AGGF1: variants seen among roughly 807,000 people sequenced by gnomAD.
AGGF1 encodes the protein angiogenic factor with G patch and FHA domains 1.
In AGGF1, 56 loss-of-function variants were observed where a neutral mutation model predicts 86.5. The ratio of observed to expected loss-of-function variants is 0.65; its 90% CI spans 0.52 to 0.81. The LOEUF (loss-of-function observed/expected upper bound fraction) is 0.81, where lower values mean the gene tolerates loss of function less well. Ranked by LOEUF, AGGF1 falls within the 30% of genes least tolerant of loss-of-function variation. AGGF1 has a pLI of 0.00. For missense variants in AGGF1, 816 were observed against 850.9 expected (o/e 0.96, Z 0.51); for synonymous variants, 313 against 297.1 (o/e 1.05, Z -0.55).
At position 77,036,713 on chromosome 5, in the gene AGGF1, A is replaced by G; in HGVS notation, c.674A>G (p.Tyr225Cys). The G allele has an allele frequency of 6.2e-7, 1 of 1,612,228 alleles. No homozygotes were observed. The highest frequency in any genetic ancestry group is 8.5e-7 in the Non-Finnish European group (1 of 1,179,914). The change falls in exon 4 of 14, where the codon TAT becomes TGT. Residue 225 changes from tyrosine (Y) to cysteine (C), a missense_variant. Coordinates refer to ENST00000312916, the MANE Select transcript of AGGF1 (RefSeq NM_018046.5). ...LYFDHSTGFYYDSENQLYYDP... is the reference protein window; with the variant it reads ...LYFDHSTGFYCDSENQLYYDP... ...TTTGACCACAGCACTGGTTTCTATT[A>G]TGATTCTGTAAGTATCTCAGACCTT...
At chr5:77,038,989 G>T (rs1364252768) in intron 4 of AGGF1, among the ~76,000 whole-genome samples, 1 of 151,988 alleles carries the variant, frequency 6.6e-6, no homozygotes, top group Non-Finnish European at 1.5e-5. Context: ...TTATTTTTTG[G>T]TATGCATGAA....
At position 77,042,902 on chromosome 5, in the gene AGGF1, C is replaced by CG. The variant is rs1359262875; in HGVS notation, c.870+3189dup. The stretch of plus-strand genomic sequence containing the variant: ...CTCCCGGGCGGGGCGGCTGGCCGGG[C>CG]GGGGGGCCGACACCCCCACCTCCCT... On this transcript the variant is annotated intron_variant, in intron 5 of 13. Transcript: ENST00000312916. 2.2e-3 allele frequency among the ~76,000 whole-genome samples: 106 copies of CG among 47,806 alleles called. 5 individuals carry two copies. Among genetic ancestry groups the CG allele is most frequent in the African/African-American group, 6.7e-3 (94 of 13,972 alleles). 31.4% of individuals were successfully genotyped at this position (47,806 alleles called of 152,430 possible).
chr5:77,030,584 G>A lies in AGGF1; in HGVS notation c.-183G>A. Reference sequence around the variant, plus strand: ...GCCATCCTCGGTCCCCTTGCTCGTTGCTCGCAGCCCCGTTCGGCTACAAGT... The same window carrying A: ...GCCATCCTCGGTCCCCTTGCTCGTTACTCGCAGCCCCGTTCGGCTACAAGT... On this transcript the variant is annotated 5_prime_UTR_variant, in exon 1 of 14. Coordinates refer to ENST00000312916, the MANE Select transcript of AGGF1 (RefSeq NM_018046.5). 1 of 755,154 alleles carries A rather than the reference G, an allele frequency of 1.3e-6. No homozygotes were observed. Among genetic ancestry groups the A allele is most frequent in the South Asian group, 1.5e-5 (1 of 67,836 alleles). The allele number at this position is 755,154 out of a possible 1,614,324, so 46.8% of individuals were successfully genotyped here.
chr5:77,043,676 G>A (rs1426480547), intron 5 of AGGF1, among the ~76,000 whole-genome samples: 1 of 142,866 alleles, frequency 7.0e-6, no homozygotes, highest in South Asian at 2.3e-4. Context: ...CGGGCGGGGG[G>A]CTGATCCCCC....
At chr5:77,059,316 T>G (rs1747512041) in intron 11 of AGGF1, among the ~76,000 whole-genome samples, 1 of 152,206 alleles carries the variant, frequency 6.6e-6, no homozygotes, top group Admixed American at 6.5e-5. Context: ...ATATCTAATA[T>G]GACAATTTCT....
chr5:77,045,879 C>A (rs1291426112), intron 5 of AGGF1, among the ~76,000 whole-genome samples: 2 of 152,156 alleles, frequency 1.3e-5, no homozygotes, highest in Non-Finnish European at 2.9e-5. Flanking sequence ...ATGTTGCAGA[C>A]TATGTAAACT....
At chr5:77,037,430 G>C (rs79340931) in intron 4 of AGGF1, among the ~76,000 whole-genome samples, 1 of 152,126 alleles carries the variant, frequency 6.6e-6, no homozygotes, top group Non-Finnish European at 1.5e-5. Context: ...TTAGTAGTAT[G>C]TTTATTATTA....
At position 77,048,276 on chromosome 5, in the gene AGGF1, A is replaced by G; in HGVS notation, c.1313+4A>G. 1 of 1,562,356 alleles carries G rather than the reference A, an allele frequency of 6.4e-7. No homozygotes were observed. The highest frequency in any genetic ancestry group is 8.8e-7 in the Non-Finnish European group (1 of 1,133,454). ...TAAACCCTGCTACAATTGGAAGGTAAAATGGTTAATATTATTATATCATTC... is the reference window on the plus strand; with the variant it reads ...TAAACCCTGCTACAATTGGAAGGTAGAATGGTTAATATTATTATATCATTC... On this transcript the variant is annotated splice_donor_region_variant and intron_variant, in intron 7 of 13. Transcript: ENST00000312916.
chr5:77,032,301 C>G (rs1212084914), intron 1 of AGGF1, among the ~76,000 whole-genome samples: 1 of 147,410 alleles, frequency 6.8e-6, no homozygotes, highest in African/African-American at 2.5e-5. Flanking sequence ...GGCGCGGTGG[C>G]TCACGCCTGT....
chr5:77,051,566 A>G (rs990571380), intron 8 of AGGF1, among the ~76,000 whole-genome samples: 4 of 152,346 alleles, frequency 2.6e-5, no homozygotes, highest in South Asian at 2.1e-4. Flanking sequence ...TTTAGTATAC[A>G]TAGAGCAGCA....
chr5:77,040,325 G>A (rs1382596943), intron 5 of AGGF1, among the ~76,000 whole-genome samples: 3 of 151,224 alleles, frequency 2.0e-5, no homozygotes, highest in Non-Finnish European at 4.4e-5. Flanking sequence ...GGTCAGGCTC[G>A]TCTCGAACTC....
intron 5 of AGGF1, among the ~76,000 whole-genome samples, chr5:77,045,461 ATGTTCATT>A (rs1335907000): frequency 6.8e-6 from 1 of 146,174 alleles, no homozygotes; most frequent in Non-Finnish European, 1.5e-5. Flanking sequence ...TAATTAAAAA[ATGTTCATT>A]TATTATAAGG....
At position 77,039,631 on chromosome 5, in the gene AGGF1, A is replaced by C. The variant is rs758637282; in HGVS notation, c.782A>C (p.Tyr261Ser). The C allele has an allele frequency of 2.5e-6, 4 of 1,613,380 alleles. No homozygotes were observed. The highest frequency in any genetic ancestry group is 3.4e-6 in the Non-Finnish European group (4 of 1,179,574). ...QFHSRVDLQP[Y>S]PTSSTKQSKD... ...CATTCTCGAGTAGATTTGCAACCTT[A>C]TCCGACTTCTAGCACAAAACAAAGT... Residue 261 changes from tyrosine to serine, a missense_variant, in exon 5 of 14, where the codon TAT (tyrosine) becomes TCT (serine). Tyr to Ser is a moderately radical substitution (Grantham distance 144, BLOSUM62 -2). Around this residue, in one of 3 missense-constraint regions of AGGF1, gnomAD observed 565 missense variants for 585.8 expected, o/e 0.96. Coordinates refer to ENST00000312916, the MANE Select transcript of AGGF1 (RefSeq NM_018046.5).
rs1457504598 is a variant in AGGF1 at position 77,055,592 on chromosome 5, T to C, written c.1712T>C (p.Leu571Ser). The C allele has an allele frequency of 6.3e-7, 1 of 1,575,380 alleles. No homozygotes were observed. Among genetic ancestry groups the C allele is most frequent in the African/African-American group, 1.3e-5 (1 of 74,080 alleles). Residue 571 changes from leucine to serine, a missense_variant, in exon 11 of 14, where the codon TTA (leucine) becomes TCA (serine). This residue lies in a region of AGGF1 where 565 missense variants were observed against 585.8 expected (regional missense o/e 0.96). Transcript: ENST00000312916. ...ELKKIRVKYG[L>S]QNTEYEDEKT... ...AAGAAAATACGAGTAAAATATGGTTTACAGGTGAGGATGTTGAATATTGTT... is the reference window on the plus strand; with the variant it reads ...AAGAAAATACGAGTAAAATATGGTTCACAGGTGAGGATGTTGAATATTGTT...
chr5:77,061,959 A>G (rs908278588), intron 13 of AGGF1, among the ~76,000 whole-genome samples, 157 bp downstream of exon 13: 1 of 152,162 alleles, frequency 6.6e-6, no homozygotes. Flanking sequence ...CCAAATATAT[A>G]CATGTGCTTT....
chr5:77,039,489 A>G lies in AGGF1; in HGVS notation c.682-42A>G, dbSNP rs115749727. 1.6e-3 allele frequency: 2,376 copies of G among 1,505,140 alleles called. 28 individuals are homozygous for G. The African/African-American group carries it at 0.03, about 19-fold the overall frequency. The allele number at this position is 1,505,140 out of a possible 1,614,324, so 93.2% of individuals were successfully genotyped here. On this transcript the variant is annotated intron_variant, in intron 4 of 13. Coordinates refer to ENST00000312916, the MANE Select transcript of AGGF1 (RefSeq NM_018046.5). ...TTGGCATTTTCGTTAAGTTTATTTT[A>G]TCTTACATGAATAGAATTTATTTTT...
chr5:77,039,727 C>A lies in AGGF1; in HGVS notation c.870+8C>A. 1.9e-6 allele frequency: 3 copies of A among 1,605,636 alleles called. No homozygotes were observed. Among genetic ancestry groups the A allele is most frequent in the South Asian group, 2.2e-5 (2 of 89,240 alleles). ...GCAACAAATGAGGAAAAGGTAATGT[C>A]TTTACAATTTTAAAAATTGACATAA... On this transcript the variant is annotated splice_region_variant and intron_variant, in intron 5 of 13. Coordinates refer to ENST00000312916, the MANE Select transcript of AGGF1 (RefSeq NM_018046.5).
In AGGF1 at chr5:77,060,042, T is replaced by A. The variant is rs1747529465; in HGVS notation, c.1844+299T>A. 5.9e-5 allele frequency among the ~76,000 whole-genome samples: 9 copies of A among 152,184 alleles called. No individual in the cohort carries two copies. In the South Asian group the frequency reaches 1.9e-3, roughly 32 times the overall value. ...TTTTTAGTAGAGACGGGGTTTCACA[T>A]GTTGTTGGCCAGGCTGGTCTTGAAC... On this transcript the variant is annotated intron_variant, in intron 12 of 13. Coordinates refer to ENST00000312916, the MANE Select transcript of AGGF1 (RefSeq NM_018046.5).
At chr5:77,054,303 A>C (rs1235315052) in intron 10 of AGGF1, among the ~76,000 whole-genome samples, 173 bp downstream of exon 10, 1 of 152,242 alleles carries the variant, frequency 6.6e-6, no homozygotes, top group Non-Finnish European at 1.5e-5. Flanking sequence ...TAATAGATTG[A>C]GATATATTTC....
Sources: gnomAD v4.1 joint callset for allele counts (sites outside exome capture counted in the v4.1 genomes callset) on GRCh38, gnomAD v4.1.1 for gene constraint, gnomAD v4.1.1 regional missense constraint, MANE v1.5 for transcripts, NCBI Gene and HGNC (gene_info 2026-07-23, HGNC 2026-07-21) for gene names.